Variants in RORA observed in about 807,000 individuals in gnomAD.
RORA encodes the protein RAR related orphan receptor A.
RORA carries 7 observed loss-of-function variants against 69.5 expected under a neutral mutation model. The observed-to-expected ratio is 0.10, with a 90% CI of 0.06 to 0.19. The LOEUF (loss-of-function observed/expected upper bound fraction) is 0.19, where lower values mean the gene tolerates loss of function less well. Among genes scored for constraint, RORA ranks in the 10% least tolerant of loss-of-function variants. The pLI is 1.00. For synonymous variants in RORA, 261 were observed against 240.8 expected, an observed-to-expected ratio of 1.08 and a Z score of -0.78; for missense variants, 457 against 663.0, an observed-to-expected ratio of 0.69 and a Z score of 3.41.
intron 1 of RORA, among the ~76,000 whole-genome samples, chr15:60,813,766 C>G (rs193271835): frequency 4.6e-4 from 70 of 152,178 alleles, no homozygotes; most frequent in Non-Finnish European, 7.1e-4. Flanking sequence ...GTACTTTTAC[C>G]TGTGTTGCCT....
intron 1 of RORA, among the ~76,000 whole-genome samples, chr15:61,085,947 T>C (rs1021934986): frequency 1.3e-5 from 2 of 152,218 alleles, no homozygotes; most frequent in African/African-American, 4.8e-5. Flanking sequence ...ATGAATTATA[T>C]AGGCTCCTCT....
rs372067694 is a variant in RORA, at chr15:60,552,960, C to T, written c.197-21109G>A. Among the ~76,000 whole-genome samples, 39 of 152,240 alleles carry T rather than the reference C, an allele frequency of 2.6e-4. No individual in the cohort carries two copies. The South Asian group carries it at 7.9e-3, about 31-fold the overall frequency. Reference sequence around the variant, plus strand: ...CCTTGGACCCCAATGCTAAATCTTCCACTTATTAGCACTGTGATCATGGGC... The same window carrying T: ...CCTTGGACCCCAATGCTAAATCTTCTACTTATTAGCACTGTGATCATGGGC... On this transcript the variant is annotated intron_variant, in intron 2 of 10. Transcript: ENST00000335670.
At chr15:61,036,910 G>A (rs1212679827) in intron 1 of RORA, among the ~76,000 whole-genome samples, 2 of 151,960 alleles carry the variant, frequency 1.3e-5, no homozygotes, top group African/African-American at 2.4e-5. Flanking sequence ...TGGCCTCGGT[G>A]AAAACAACCT....
chr15:60,947,961 T>C (rs1892949177), intron 1 of RORA, among the ~76,000 whole-genome samples: 1 of 152,164 alleles, frequency 6.6e-6, no homozygotes, highest in African/African-American at 2.4e-5. Flanking sequence ...ACCACCCCTA[T>C]GGCCACCTGT....
chr15:61,178,129 G>A (rs987038704), intron 1 of RORA, among the ~76,000 whole-genome samples: 6 of 152,116 alleles, frequency 3.9e-5, no homozygotes, highest in Non-Finnish European at 5.9e-5. Flanking sequence ...TAAAATACTC[G>A]GATTCTAAAA....
At chr15:60,806,235 A>T (rs1322190522) in intron 1 of RORA, among the ~76,000 whole-genome samples, 1 of 152,066 alleles carries the variant, frequency 6.6e-6, no homozygotes, top group East Asian at 1.9e-4. Context: ...AAAAACAAAA[A>T]CTTTGGGGCA....
chr15:61,148,584 C>A (rs1169630728), intron 1 of RORA, among the ~76,000 whole-genome samples: 1 of 152,038 alleles, frequency 6.6e-6, no homozygotes, highest in Non-Finnish European at 1.5e-5. Flanking sequence ...TAATTTAAAC[C>A]ACCCCTCCCT....
intron 2 of RORA, among the ~76,000 whole-genome samples, chr15:60,573,445 G>T (rs1442942834): frequency 6.6e-6 from 1 of 152,026 alleles, no homozygotes; most frequent in Non-Finnish European, 1.5e-5. Flanking sequence ...TTTATCTCTT[G>T]AAATAATTAA....
intron 1 of RORA, among the ~76,000 whole-genome samples, chr15:61,059,224 C>A (rs975553802): frequency 6.6e-6 from 1 of 152,166 alleles, no homozygotes; most frequent in African/African-American, 2.4e-5. Context: ...GGGGATGCCC[C>A]TATGTAGGCA....
intron 1 of RORA, among the ~76,000 whole-genome samples, chr15:61,030,329 G>A (rs1300148653): frequency 6.6e-6 from 1 of 152,176 alleles, no homozygotes; most frequent in Non-Finnish European, 1.5e-5. Context: ...GTTGTATTAT[G>A]TATATGCAGG....
At chr15:61,086,156 A>C (rs926082933) in intron 1 of RORA, among the ~76,000 whole-genome samples, 8 of 152,230 alleles carry the variant, frequency 5.3e-5, no homozygotes, top group Non-Finnish European at 1.0e-4. Flanking sequence ...CAAACTGCAA[A>C]ACCAGAAACC....
chr15:60,605,357 A>C (rs2068920515), intron 2 of RORA, among the ~76,000 whole-genome samples: 2 of 152,162 alleles, frequency 1.3e-5, no homozygotes, highest in South Asian at 2.1e-4. Context: ...GAAGCTTATT[A>C]TGATTCTGTC....
chr15:60,557,030 T>A, intron 2 of RORA: 5 of 926,786 alleles, frequency 5.4e-6, no homozygotes, highest in Admixed American at 2.3e-5. Flanking sequence ...CAGCAATAAG[T>A]ACCCAAAAAA....
chr15:60,957,900 G>A (rs962402178), intron 1 of RORA, among the ~76,000 whole-genome samples: 2 of 151,888 alleles, frequency 1.3e-5, no homozygotes, highest in Non-Finnish European at 2.9e-5. Flanking sequence ...CCTATAAGGA[G>A]CTTTGTAAAC....
chr15:61,138,813 G>A (rs191076113), intron 1 of RORA, among the ~76,000 whole-genome samples: 12 of 152,014 alleles, frequency 7.9e-5, no homozygotes, highest in Admixed American at 7.9e-4. Context: ...CCATGACAGG[G>A]ACACTGCATA....
At chr15:61,171,754 G>C (rs537075574) in intron 1 of RORA, among the ~76,000 whole-genome samples, 1 of 152,268 alleles carries the variant, frequency 6.6e-6, no homozygotes, top group African/African-American at 2.4e-5. Context: ...GAGAGGCCTG[G>C]GTCATCTGTC....
At chr15:60,907,430 T>C (rs1201220717) in intron 1 of RORA, among the ~76,000 whole-genome samples, 1 of 152,292 alleles carries the variant, frequency 6.6e-6, no homozygotes, top group Admixed American at 6.5e-5. Flanking sequence ...ACCAGCTGGG[T>C]GACCTTGACC....
intron 1 of RORA, among the ~76,000 whole-genome samples, chr15:60,692,330 C>T (rs925013166): frequency 6.6e-6 from 1 of 152,136 alleles, no homozygotes; most frequent in Non-Finnish European, 1.5e-5. Flanking sequence ...TTGGGTCATT[C>T]TTCCTAAATA....
chr15:60,704,963 T>C (rs1408508770), intron 1 of RORA, among the ~76,000 whole-genome samples: 1 of 152,062 alleles, frequency 6.6e-6, no homozygotes, highest in Non-Finnish European at 1.5e-5. Flanking sequence ...CTGATTGGCA[T>C]GAGCTTCCAC....
Sources: allele counts gnomAD v4.1 joint callset (sites outside exome capture counted in the v4.1 genomes callset), GRCh38; gene constraint gnomAD v4.1.1; transcripts MANE v1.5; gene names NCBI Gene and HGNC (gene_info 2026-07-23, HGNC 2026-07-21).